Variants in MAU2 observed in about 807,000 individuals in gnomAD.
MAU2 encodes the protein MAU2 chromatid cohesion factor homolog.
MAU2 carries 9 observed loss-of-function variants against 89.1 expected under a neutral mutation model. The observed-to-expected ratio is 0.10, with a 90% CI of 0.06 to 0.18. The LOEUF (loss-of-function observed/expected upper bound fraction) is 0.18, where lower values mean the gene tolerates loss of function less well. Ranked by LOEUF, MAU2 falls within the 10% of genes least tolerant of loss-of-function variation. The probability of loss-of-function intolerance (pLI) is 1.00; values close to 1 mark genes in which losing one functional copy is unlikely to be tolerated. For missense variants in MAU2, 425 were observed against 803.5 expected, an observed-to-expected ratio of 0.53 and a Z score of 5.69; for synonymous variants, 357 against 343.4, an observed-to-expected ratio of 1.04 and a Z score of -0.44.
intron 10 of MAU2, 73 bp downstream of exon 10, chr19:19,344,013 G>T: frequency 7.6e-7 from 1 of 1,315,036 alleles, no homozygotes; most frequent in Non-Finnish European, 1.1e-6. Context: ...ACAAGAGACT[G>T]AATTCGCCAA....
chr19:19,347,958 C>T (rs2061709411), intron 13 of MAU2: 1 of 152,790 alleles, frequency 6.5e-6, no homozygotes, highest in African/African-American at 2.4e-5. Context: ...TGGGATCCCC[C>T]TCAGCTCTGG....
intron 16 of MAU2, 49 bp from the exon 17 acceptor site, chr19:19,354,306 C>A: frequency 1.3e-6 from 2 of 1,493,754 alleles, no homozygotes; most frequent in Non-Finnish European, 1.9e-6. Flanking sequence ...CTGGGTTCGG[C>A]AAGTGGGGTC....
Position 19,342,772 on chromosome 19 carries a change from C to A in MAU2, c.883-4C>A. On this transcript the variant is annotated splice_polypyrimidine_tract_variant and splice_region_variant and intron_variant, in intron 8 of 18. Coordinates refer to ENST00000262815, the MANE Select transcript of MAU2 (RefSeq NM_015329.4). ...TAACCCCTGCTGTCTGGTCTTGTCG[C>A]TAGGTGACTGTGATGCACTCCATGC... The A allele has an allele frequency of 6.2e-7, 1 of 1,614,010 alleles. No homozygotes were observed. The highest frequency in any genetic ancestry group is 2.2e-5 in the East Asian group (1 of 44,884).
rs943101230 is a variant in MAU2, at chr19:19,320,883, G to A, written c.24G>A (p.Ala8=). The change falls in exon 1 of 19, where the codon GCG becomes GCA. Residue 8 remains alanine, a synonymous_variant. Transcript: ENST00000262815. ...AAATGGCGGCTCAGGCGGCGGCAGC[G>A]GCCCAGGCGGCGGCGGCCCAGGCTG... MAAQAAA[A]AQAAAAQAAQ... is the part of the protein sequence containing the mutation. The A allele has an allele frequency of 1.4e-6, 2 of 1,476,536 alleles. No individual in the cohort carries two copies. The allele number at this position is 1,476,536 out of a possible 1,614,324, so 91.5% of individuals were successfully genotyped here.
At chr19:19,340,971 A>G in intron 6 of MAU2, 98 bp downstream of exon 6, 1 of 1,518,136 alleles carries the variant, frequency 6.6e-7, no homozygotes, top group East Asian at 2.3e-5. Flanking sequence ...TCTCCATGGC[A>G]TGGCCCCTTA....
chr19:19,334,167 A>G, intron 1 of MAU2: 1 of 984,366 alleles, frequency 1.0e-6, no homozygotes. Flanking sequence ...CACTGTCCCC[A>G]CACACAGCCT....
chr19:19,345,975 C>T lies in MAU2; in HGVS notation c.1221+606C>T, dbSNP rs1159529580. ...CACAGGAAATGGAGGCTGTGGACAC[C>T]TTTTTCCTGGTGGTGCCAGGAAGGG... On this transcript the variant is annotated intron_variant, in intron 12 of 18. Coordinates refer to ENST00000262815, the MANE Select transcript of MAU2 (RefSeq NM_015329.4). The surrounding 1 kb of genome is among the most constrained non-coding windows in gnomAD (Gnocchi z 4.9). 6.6e-6 allele frequency among the ~76,000 whole-genome samples: 1 copy of T among 152,194 alleles called. No homozygotes were observed. The highest frequency in any genetic ancestry group is 1.5e-5 in the Non-Finnish European group (1 of 68,034).
intron 3 of MAU2, among the ~76,000 whole-genome samples, 194 bp from the exon 4 acceptor site, chr19:19,336,975 AC>A (rs2061601786): frequency 1.3e-5 from 2 of 152,184 alleles, no homozygotes; most frequent in South Asian, 4.1e-4. Flanking sequence ...TGATGCAGAA[AC>A]TTCCCAGCCA....
chr19:19,351,735 G>T (rs2061746295), intron 16 of MAU2, among the ~76,000 whole-genome samples: 2 of 151,846 alleles, frequency 1.3e-5, no homozygotes, highest in African/African-American at 4.8e-5. Context: ...TAATTAAAAG[G>T]CTGAGAAGCA....
intron 1 of MAU2, among the ~76,000 whole-genome samples, chr19:19,326,863 C>T (rs2061513177): frequency 6.7e-6 from 1 of 150,050 alleles, no homozygotes; most frequent in East Asian, 2.0e-4. Flanking sequence ...CTGCACTCCA[C>T]CCTGGACAAC....
chr19:19,349,064 C>T (rs1479324028), intron 14 of MAU2, 91 bp from the exon 15 acceptor site: 48 of 1,559,924 alleles, frequency 3.1e-5, no homozygotes, highest in Non-Finnish European at 4.1e-5. Context: ...GCAGTGGGGG[C>T]TCTCAGAAAT....
chr19:19,338,551 T>C (rs2061615102), intron 4 of MAU2, among the ~76,000 whole-genome samples: 1 of 152,200 alleles, frequency 6.6e-6, no homozygotes. Context: ...TCACACAGCC[T>C]TGGGGGTCTG....
In MAU2 at chr19:19,345,671, C is replaced by G. The variant is rs2061687525; in HGVS notation, c.1221+302C>G. Among the ~76,000 whole-genome samples the G allele has an allele frequency of 6.6e-6, 1 of 152,290 alleles. No homozygotes were observed. The highest frequency in any genetic ancestry group is 2.1e-4 in the South Asian group (1 of 4,834). On this transcript the variant is annotated intron_variant, in intron 12 of 18. Coordinates refer to ENST00000262815, the MANE Select transcript of MAU2 (RefSeq NM_015329.4). The surrounding 1 kb of genome is among the most constrained non-coding windows in gnomAD (Gnocchi z 4.9). Reference sequence around the variant, plus strand: ...AGTGGGAACTTTTGCGGCACCCACCCCCAAGGCTGGATTGGCTCAAGTGTC... The same window carrying G: ...AGTGGGAACTTTTGCGGCACCCACCGCCAAGGCTGGATTGGCTCAAGTGTC...
intron 4 of MAU2, among the ~76,000 whole-genome samples, chr19:19,338,082 G>A (rs2061611955): frequency 6.6e-6 from 1 of 152,228 alleles, no homozygotes; most frequent in Non-Finnish European, 1.5e-5. Context: ...TGCAGTATGT[G>A]GACCCTGGGT....
chr19:19,350,281 G>A (rs1341975733), intron 16 of MAU2, among the ~76,000 whole-genome samples: 1 of 128,554 alleles, frequency 7.8e-6, no homozygotes, highest in East Asian at 2.3e-4. Context: ...GGGCAACAGA[G>A]TGAGACTCTG....
At position 19,355,925 on chromosome 19, in the gene MAU2, C is replaced by T. The variant is rs1393870193; in HGVS notation, c.*143C>T. Reference sequence around the variant, plus strand: ...GTCCTGGGAATGTGCGGGGCCAGTCCCTGCCCTCCCAGGAGGGGTGGTAGC... The same window carrying T: ...GTCCTGGGAATGTGCGGGGCCAGTCTCTGCCCTCCCAGGAGGGGTGGTAGC... On this transcript the variant is annotated 3_prime_UTR_variant, in exon 19 of 19. Coordinates refer to ENST00000262815, the MANE Select transcript of MAU2 (RefSeq NM_015329.4). The T allele has an allele frequency of 1.1e-5, 9 of 827,002 alleles. No homozygotes were observed. The highest frequency in any genetic ancestry group is 1.7e-5 in the African/African-American group (1 of 59,696). The allele number at this position is 827,002 out of a possible 1,614,324, so 51.2% of individuals were successfully genotyped here.
intron 1 of MAU2, chr19:19,334,715 G>T (rs1456079243): frequency 2.9e-5 from 17 of 579,858 alleles, no homozygotes; most frequent in Non-Finnish European, 3.7e-5. Flanking sequence ...AGACCATCGG[G>T]CTTCAGCCTC....
At position 19,345,381 on chromosome 19, in the gene MAU2, G is replaced by T. The variant is rs764675854; in HGVS notation, c.1221+12G>T. 1.9e-6 allele frequency: 3 copies of T among 1,613,200 alleles called. No homozygotes were observed. In the Admixed American group the frequency reaches 5.0e-5, roughly 27 times the overall value. On this transcript the variant is annotated intron_variant, in intron 12 of 18. Coordinates refer to ENST00000262815, the MANE Select transcript of MAU2 (RefSeq NM_015329.4). This position sits in a 1 kb window ranked among gnomAD's most constrained non-coding sequence, Gnocchi z 4.9. ...CCACGGCCCTGCGGGTAAGGTGCCG[G>T]CCCTCCTTGCTGCTCGGGGCGGGCC...
At chr19:19,326,715 TATATAC>T (rs2061509728) in intron 1 of MAU2, among the ~76,000 whole-genome samples, 1 of 117,904 alleles carries the variant, frequency 8.5e-6, no homozygotes, top group Admixed American at 9.8e-5. Context: ...TATATATATA[TATATAC>T]ATATATATAT....
Sources: allele counts gnomAD v4.1 joint callset (sites outside exome capture counted in the v4.1 genomes callset), GRCh38; gene constraint gnomAD v4.1.1; non-coding constraint Gnocchi (gnomAD v3.1); transcripts MANE v1.5; gene names NCBI Gene and HGNC (gene_info 2026-07-23, HGNC 2026-07-21).